The following IRAG1 variants were observed in gnomAD, a reference collection of about 807,000 sequenced individuals.
IRAG1 encodes IP3R-associated cGMP kinase substrate.
In IRAG1, 62 loss-of-function variants were observed where a neutral mutation model predicts 106.2. The ratio of observed to expected loss-of-function variants is 0.58; its 90% CI spans 0.48 to 0.72. The LOEUF is 0.72. Among genes scored for constraint, IRAG1 ranks in the 30% least tolerant of loss-of-function variants. IRAG1 has a pLI of 0.00. For synonymous variants in IRAG1, 462 were observed against 443.9 expected (o/e 1.04, Z -0.51); for missense variants, 1,064 against 1,140.7 (o/e 0.93, Z 0.97).
At chr11:10,636,216 A>C (rs1046640196) in intron 2 of IRAG1, among the ~76,000 whole-genome samples, 2 of 152,184 alleles carry the variant, frequency 1.3e-5, no homozygotes, top group South Asian at 4.1e-4. Context: ...TAATTTATTT[A>C]GTTTCTTCAG....
At chr11:10,677,805 G>A (rs1466831985) in intron 1 of IRAG1, among the ~76,000 whole-genome samples, 1 of 152,096 alleles carries the variant, frequency 6.6e-6, no homozygotes, top group Admixed American at 6.5e-5. Context: ...GGCAGGCCCT[G>A]CCAACCACGA....
At chr11:10,593,840 C>T in intron 16 of IRAG1, 1 of 572,286 alleles carries the variant, frequency 1.7e-6, no homozygotes, top group South Asian at 2.1e-5. Context: ...CTTGGAGATA[C>T]AGAATGGAAA....
intron 4 of IRAG1, 31 bp downstream of exon 4, chr11:10,631,960 T>C (rs1194357847): frequency 2.5e-6 from 4 of 1,600,250 alleles, no homozygotes; most frequent in Non-Finnish European, 3.4e-6. Context: ...GTCTTTCTAC[T>C]CAACATGCCT....
chr11:10,627,479 G>A (rs1051401187), intron 8 of IRAG1, among the ~76,000 whole-genome samples: 1 of 152,150 alleles, frequency 6.6e-6, no homozygotes, highest in Admixed American at 6.5e-5. Flanking sequence ...CTGGGGGTCA[G>A]CGCTGTGAGT....
chr11:10,586,965 A>G (rs77333038), intron 18 of IRAG1, among the ~76,000 whole-genome samples: 11,478 of 152,242 alleles, frequency 0.075, 554 homozygotes, highest in Admixed American at 0.14. Context: ...GTAAATGGTT[A>G]TTTCCTGAGA....
intron 18 of IRAG1, among the ~76,000 whole-genome samples, chr11:10,585,173 G>C (rs945085235): frequency 6.6e-6 from 1 of 152,134 alleles, no homozygotes; most frequent in African/African-American, 2.4e-5. Flanking sequence ...ATAAGTGACT[G>C]TAAACAAAGC....
chr11:10,636,840 A>G (rs1054719895), intron 2 of IRAG1, among the ~76,000 whole-genome samples: 2 of 152,230 alleles, frequency 1.3e-5, no homozygotes, highest in Non-Finnish European at 2.9e-5. Context: ...GTTAGAGGAC[A>G]GGATTTGGCC....
At chr11:10,642,774 C>T (rs1857611341) in intron 2 of IRAG1, among the ~76,000 whole-genome samples, 2 of 152,192 alleles carry the variant, frequency 1.3e-5, no homozygotes, top group African/African-American at 4.8e-5. Context: ...ACTGTATCCC[C>T]AGATCCCTGT....
rs375460249 is a variant in IRAG1, at chr11:10,677,070, C to T, written c.67+16466G>A. Among the ~76,000 whole-genome samples the T allele has an allele frequency of 1.5e-4, 23 of 152,338 alleles. No homozygotes were observed. The South Asian group carries it at 2.5e-3, about 16-fold the overall frequency. On this transcript the variant is annotated intron_variant, in intron 1 of 20. Transcript: ENST00000423302. ...CCTCAGATCCACCTGCAAAGCTCTA[C>T]ATCTGACTCTAATTTCCTTTGTGCG...
intron 12 of IRAG1, among the ~76,000 whole-genome samples, chr11:10,605,137 T>G (rs881436): frequency 2.0e-5 from 3 of 151,968 alleles, no homozygotes; most frequent in African/African-American, 7.3e-5. Flanking sequence ...TGTTTCATGC[T>G]AAAATTGCAG....
chr11:10,594,174 G>A lies in IRAG1; in HGVS notation c.2039C>T (p.Ala680Val). The A allele has an allele frequency of 6.2e-7, 1 of 1,610,360 alleles. No individual in the cohort carries two copies. ...TCCCAGCGTGAGGGACATGGACCGT[G>A]CCGTGCGAGGGACCCCATCTTCTGC... is the stretch of plus-strand genomic sequence containing the variant. ...GPSEDGVPRT[A>V]RSMSLTLGKN... The change falls in exon 16 of 21, where the codon GCA becomes GTA. Residue 680 changes from alanine to valine, a missense_variant. Transcript: ENST00000423302.
intron 20 of IRAG1, among the ~76,000 whole-genome samples, chr11:10,577,126 G>A (rs997472780): frequency 6.6e-6 from 1 of 152,208 alleles, no homozygotes; most frequent in Non-Finnish European, 1.5e-5. Context: ...AGTGATAAAT[G>A]ACAAGGGACT....
intron 1 of IRAG1, among the ~76,000 whole-genome samples, chr11:10,672,888 T>C (rs1860359519): frequency 6.6e-6 from 1 of 152,214 alleles, no homozygotes; most frequent in Admixed American, 6.5e-5. Context: ...GCAGCACTAT[T>C]TATAATAGCC....
intron 1 of IRAG1, among the ~76,000 whole-genome samples, chr11:10,655,859 T>C (rs1858880631): frequency 6.6e-6 from 1 of 152,184 alleles, no homozygotes; most frequent in African/African-American, 2.4e-5. Context: ...AGATGTCAGC[T>C]GCCACAACAT....
chr11:10,599,954 G>C (rs1274103620), intron 15 of IRAG1: 1 of 152,176 alleles, frequency 6.6e-6, no homozygotes, highest in Non-Finnish European at 1.5e-5. Flanking sequence ...CCGTTGCCTA[G>C]AGGCTCAAAT....
intron 2 of IRAG1, among the ~76,000 whole-genome samples, chr11:10,645,826 A>G (rs77744402): frequency 0.039 from 5,985 of 152,224 alleles, 413 homozygotes; most frequent in African/African-American, 0.14. Flanking sequence ...TAAATTCTTT[A>G]TCTGTTACTG....
rs972675957 is a variant in IRAG1, at chr11:10,606,864, A to C, written c.1572-92T>G. 5 of 1,238,242 alleles carry C rather than the reference A, an allele frequency of 4.0e-6. No individual in the cohort carries two copies. The African/African-American group carries it at 7.6e-5, about 19-fold the overall frequency. 76.7% of individuals were successfully genotyped at this position (1,238,242 alleles called of 1,614,324 possible). A position where few individuals can be genotyped will look rare whatever the true frequency, so the allele number is the denominator to read the frequency against. ...AATGACCAGCAGACCATGTGTTTCC[A>C]GGGGTGGAGTAAGCTGTGTTGGTGA... is the stretch of plus-strand genomic sequence containing the variant. On this transcript the variant is annotated intron_variant, in intron 11 of 20. Coordinates refer to ENST00000423302, the MANE Select transcript of IRAG1 (RefSeq NM_130385.4).
rs1168537711 is a variant in IRAG1, at chr11:10,633,888, T to C, written c.329+80A>G. 4 of 762,788 alleles carry C rather than the reference T, an allele frequency of 5.2e-6. No individual in the cohort carries two copies. In the East Asian group the frequency reaches 1.2e-4, roughly 24 times the overall value. The allele number at this position is 762,788 out of a possible 1,614,324, so 47.3% of individuals were successfully genotyped here. On this transcript the variant is annotated intron_variant, in intron 3 of 20. Transcript: ENST00000423302. ...AAATGATACAAGAAAAAAGAAAAGA[T>C]TTATTTAAAAATATAGCTGTCTGAT...
chr11:10,652,375 G>C (rs1858598691), intron 1 of IRAG1, 193 bp from the exon 2 acceptor site: 3 of 1,409,716 alleles, frequency 2.1e-6, no homozygotes, highest in Non-Finnish European at 2.8e-6. Context: ...CAAAGTCAGA[G>C]GTGACCTTAG....
Sources: gnomAD v4.1 joint callset for allele counts (sites outside exome capture counted in the v4.1 genomes callset) on GRCh38, gnomAD v4.1.1 for gene constraint, MANE v1.5 for transcripts, NCBI Gene and HGNC (gene_info 2026-07-23, HGNC 2026-07-21) for gene names.